RPTOR: variants seen among roughly 807,000 people sequenced by gnomAD.
RPTOR encodes the protein regulatory-associated protein of mTOR.
RPTOR carries 21 observed loss-of-function variants against 169.9 expected under a neutral mutation model. That is an observed-to-expected ratio of 0.12 (90% CI 0.09 to 0.18). The LOEUF (loss-of-function observed/expected upper bound fraction) is 0.18, where lower values mean the gene tolerates loss of function less well. RPTOR is among the 10% of genes least tolerant of loss of function. The probability of loss-of-function intolerance (pLI) is 1.00; values close to 1 mark genes in which losing one functional copy is unlikely to be tolerated. For missense variants in RPTOR, 1,133 were observed against 1,855.9 expected, an observed-to-expected ratio of 0.61 and a Z score of 7.16; for synonymous variants, 732 against 753.2, an observed-to-expected ratio of 0.97 and a Z score of 0.46.
At chr17:80,906,972 GC>G (rs1276534165) in intron 20 of RPTOR, among the ~76,000 whole-genome samples, 2 of 152,228 alleles carry the variant, frequency 1.3e-5, no homozygotes, top group Non-Finnish European at 2.9e-5. Flanking sequence ...CTGAAGTAGA[GC>G]CCGTCTTGGG....
chr17:80,925,996 G>A (rs1418710234), intron 24 of RPTOR, among the ~76,000 whole-genome samples: 1 of 152,254 alleles, frequency 6.6e-6, no homozygotes, highest in African/African-American at 2.4e-5. Context: ...GAGGAATGGG[G>A]CGGGAGCTGC....
At chr17:80,813,975 A>G (rs1200526346) in intron 7 of RPTOR, among the ~76,000 whole-genome samples, 4 of 152,178 alleles carry the variant, frequency 2.6e-5, no homozygotes, top group Non-Finnish European at 5.9e-5. Flanking sequence ...CTCTACCAAA[A>G]ATACAAAAAA....
chr17:80,625,101 C>T (rs192636886), intron 1 of RPTOR, among the ~76,000 whole-genome samples: 6 of 152,108 alleles, frequency 3.9e-5, no homozygotes, highest in African/African-American at 1.2e-4. Context: ...ATTTGAGGGC[C>T]GAGAGGTGAG....
At chr17:80,787,512 C>T (rs1423960783) in intron 6 of RPTOR, among the ~76,000 whole-genome samples, 1 of 152,168 alleles carries the variant, frequency 6.6e-6, no homozygotes, top group African/African-American at 2.4e-5. Context: ...CTTTTGAACA[C>T]ATGCAAGAAT....
At chr17:80,591,876 C>T (rs2065110339) in intron 1 of RPTOR, among the ~76,000 whole-genome samples, 1 of 152,150 alleles carries the variant, frequency 6.6e-6, no homozygotes, top group South Asian at 2.1e-4. Flanking sequence ...GGTTGAGAGT[C>T]ACTGCATGAG....
chr17:80,816,020 A>G (rs905845043), intron 7 of RPTOR, among the ~76,000 whole-genome samples: 7 of 152,182 alleles, frequency 4.6e-5, no homozygotes, highest in Non-Finnish European at 8.8e-5. Context: ...CACAGCTTCT[A>G]CGCAGGCAGT....
chr17:80,929,737 T>C (rs1398577506), intron 24 of RPTOR, among the ~76,000 whole-genome samples: 2 of 152,192 alleles, frequency 1.3e-5, no homozygotes, highest in Non-Finnish European at 2.9e-5. Flanking sequence ...CGACTTGAGA[T>C]GGCCATAGTC....
intron 28 of RPTOR, among the ~76,000 whole-genome samples, chr17:80,954,402 G>A (rs1471898374): frequency 2.0e-5 from 3 of 152,138 alleles, no homozygotes; most frequent in South Asian, 2.1e-4. Flanking sequence ...GATTACAGGC[G>A]TGAGCCACTG....
chr17:80,661,384 G>T (rs543049808), intron 3 of RPTOR, among the ~76,000 whole-genome samples: 1 of 152,322 alleles, frequency 6.6e-6, no homozygotes, highest in South Asian at 2.1e-4. Context: ...CTGACGCCAG[G>T]CCAGCTCTCT....
At chr17:80,856,685 C>A (rs2067855923) in intron 12 of RPTOR, among the ~76,000 whole-genome samples, 1 of 152,146 alleles carries the variant, frequency 6.6e-6, no homozygotes, top group South Asian at 2.1e-4. Context: ...GGTGGTGTCG[C>A]TTAGTCATCC....
At chr17:80,700,140 A>G (rs1428139392) in intron 3 of RPTOR, among the ~76,000 whole-genome samples, 1 of 152,210 alleles carries the variant, frequency 6.6e-6, no homozygotes, top group Non-Finnish European at 1.5e-5. Context: ...AAAGGCTTAA[A>G]AGATCCTTTC....
In RPTOR at chr17:80,616,298, C is replaced by CTTTTTTTTTTTTT. The variant is rs201229448; in HGVS notation, c.163-9384_163-9372dup. 1.1e-4 allele frequency among the ~76,000 whole-genome samples: 13 copies of CTTTTTTTTTTTTT among 113,272 alleles called. 1 individual carries two copies. Among genetic ancestry groups the CTTTTTTTTTTTTT allele is most frequent in the East Asian group, 6.1e-4 (2 of 3,292 alleles). The allele number at this position is 113,272 out of a possible 152,430, so 74.3% of individuals were successfully genotyped here. On this transcript the variant is annotated intron_variant, in intron 1 of 33. Coordinates refer to ENST00000306801, the MANE Select transcript of RPTOR (RefSeq NM_020761.3). Reference sequence around the variant, plus strand: ...AATCCATTTATTGAAAATTGAAAATCTTTTTTTTTTTTTTTTTTTTTGAGA... The same window carrying CTTTTTTTTTTTTT: ...AATCCATTTATTGAAAATTGAAAATCTTTTTTTTTTTTTTTTTTTTTTTTTTTTTTTTTTGAGA...
At chr17:80,687,720 G>A (rs1403308043) in intron 3 of RPTOR, among the ~76,000 whole-genome samples, 1 of 152,224 alleles carries the variant, frequency 6.6e-6, no homozygotes, top group Non-Finnish European at 1.5e-5. Flanking sequence ...CACCGTGGGT[G>A]TTGATGATCT....
chr17:80,917,565 C>T (rs1214272488), intron 21 of RPTOR, among the ~76,000 whole-genome samples: 3 of 152,232 alleles, frequency 2.0e-5, no homozygotes, highest in Non-Finnish European at 4.4e-5. Context: ...CTTAATTCAG[C>T]ATGTTTGCAA....
rs1380412395 is a variant in RPTOR at position 80,609,548 on chromosome 17, C to T, written c.163-16143C>T. Among the ~76,000 whole-genome samples, 1 of 152,110 alleles carries T rather than the reference C, an allele frequency of 6.6e-6. No individual in the cohort carries two copies. Among genetic ancestry groups the T allele is most frequent in the Non-Finnish European group, 1.5e-5 (1 of 68,024 alleles). ...ATTATTTGAAGTCATAGTTCGAGAC[C>T]AGCCTGGCCAACATGGTGAAACCCC... On this transcript the variant is annotated intron_variant, in intron 1 of 33. Transcript: ENST00000306801. The surrounding 1 kb of genome is among the most constrained non-coding windows in gnomAD (Gnocchi z 4.8).
At chr17:80,956,226 A>C (rs890039574) in intron 28 of RPTOR, among the ~76,000 whole-genome samples, 1 of 144,244 alleles carries the variant, frequency 6.9e-6, no homozygotes, top group African/African-American at 2.7e-5. Flanking sequence ...CTCTATGAAA[A>C]AAAAAAAAAA....
chr17:80,568,461 G>A lies in RPTOR; in HGVS notation c.162+22670G>A, dbSNP rs1480709885. Among the ~76,000 whole-genome samples, 4 of 152,130 alleles carry A rather than the reference G, an allele frequency of 2.6e-5. No individual in the cohort carries two copies. The East Asian group carries it at 7.7e-4, about 29-fold the overall frequency. ...TGGTCTTACTTTTGTTCTCTAGTAT[G>A]TAATATTCTTTTTCTCCTCCAGCTA... On this transcript the variant is annotated intron_variant, in intron 1 of 33. Transcript: ENST00000306801.
At chr17:80,625,879 C>A in intron 2 of RPTOR, 86 bp downstream of exon 2, 1 of 895,620 alleles carries the variant, frequency 1.1e-6, no homozygotes, top group Non-Finnish European at 1.9e-6. Context: ...GTGGTCTGGT[C>A]CAGGGGCCCG....
rs2068213658 is a variant in RPTOR at position 80,883,985 on chromosome 17, G to A, written c.1842+13G>A. On this transcript the variant is annotated intron_variant, in intron 16 of 33. Transcript: ENST00000306801. ...CCCCATTCCCGAGGTGAGTCAGGCGGGGGCTCAGAGTCCAGTCCTCCTGGC... is the reference window on the plus strand; with the variant it reads ...CCCCATTCCCGAGGTGAGTCAGGCGAGGGCTCAGAGTCCAGTCCTCCTGGC... The A allele has an allele frequency of 6.2e-7, 1 of 1,602,360 alleles. No individual in the cohort carries two copies. The highest frequency in any genetic ancestry group is 1.7e-5 in the Admixed American group (1 of 59,754).
Sources: gnomAD v4.1 joint callset for allele counts (sites outside exome capture counted in the v4.1 genomes callset) on GRCh38, gnomAD v4.1.1 for gene constraint, Gnocchi (gnomAD v3.1) non-coding constraint, MANE v1.5 for transcripts, NCBI Gene and HGNC (gene_info 2026-07-23, HGNC 2026-07-21) for gene names.